The following VMP1 variants were observed in gnomAD, a reference collection of about 807,000 sequenced individuals.
The protein encoded by VMP1 is vacuole membrane protein 1.
A neutral mutation model predicts 56.0 loss-of-function variants in VMP1; 11 were observed. The ratio of observed to expected loss-of-function variants is 0.20; its 90% confidence interval spans 0.12 to 0.32. VMP1 has a LOEUF of 0.32. Ranked by LOEUF, VMP1 falls within the 10% of genes least tolerant of loss-of-function variation. VMP1 has a pLI of 1.00. For missense variants in VMP1, 296 were observed against 490.3 expected (o/e 0.60, Z 3.74); for synonymous variants, 149 against 165.0 (o/e 0.90, Z 0.74).
chr17:59,756,488 A>G (rs1329923926), intron 5 of VMP1, among the ~76,000 whole-genome samples: 1 of 152,222 alleles, frequency 6.6e-6, no homozygotes, highest in Non-Finnish European at 1.5e-5. Context: ...AGACAAAACT[A>G]ATTGGAAATT....
chr17:59,836,719 G>GTT lies in VMP1; in HGVS notation c.975-1563_975-1562dup, dbSNP rs5821283. Among the ~76,000 whole-genome samples, 310 of 138,638 alleles carry GTT rather than the reference G, an allele frequency of 2.2e-3. 1 individual carries two copies. Among genetic ancestry groups the GTT allele is most frequent in the South Asian group, 4.0e-3 (18 of 4,450 alleles). The allele number at this position is 138,638 out of a possible 152,430, so 91.0% of individuals were successfully genotyped here. ...TTTTAAGTTCCTTGTGGGCAGTTTGGTTTTTTTTTTTTTTGGCTTTTTTCC... is the reference window on the plus strand; with the variant it reads ...TTTTAAGTTCCTTGTGGGCAGTTTGGTTTTTTTTTTTTTTTTGGCTTTTTTCC... On this transcript the variant is annotated intron_variant, in intron 10 of 11. Transcript: ENST00000262291.
At chr17:59,782,066 G>A (rs917778187) in intron 7 of VMP1, among the ~76,000 whole-genome samples, 6 of 151,998 alleles carry the variant, frequency 3.9e-5, no homozygotes, top group South Asian at 2.1e-4. Context: ...ATGTCACCAC[G>A]CCCAGCTAAT....
In VMP1 at chr17:59,808,705, A is replaced by G; in HGVS notation, c.715-91A>G. ...ATTCATCTTATTAATCAGTGTCATC[A>G]GATTGGGAGATCTTTAATAAACTCT... On this transcript the variant is annotated intron_variant, in intron 7 of 11. Coordinates refer to ENST00000262291, the MANE Select transcript of VMP1 (RefSeq NM_030938.5). 3.0e-6 allele frequency: 3 copies of G among 992,030 alleles called. No individual in the cohort carries two copies. The South Asian group carries it at 4.6e-5, about 15-fold the overall frequency. 61.5% of individuals were successfully genotyped at this position (992,030 alleles called of 1,614,324 possible).
At chr17:59,710,874 T>C (rs1034790650) in intron 1 of VMP1, among the ~76,000 whole-genome samples, 19 of 152,208 alleles carry the variant, frequency 1.2e-4, no homozygotes, top group Non-Finnish European at 5.9e-5. Flanking sequence ...AGTTTGAGAC[T>C]AGCCTGTCTA....
At chr17:59,731,607 C>T in intron 2 of VMP1, 85 bp downstream of exon 2, 2 of 962,634 alleles carry the variant, frequency 2.1e-6, no homozygotes, top group Non-Finnish European at 1.4e-6. Context: ...TATATTACTT[C>T]TTTTATTTTT....
At chr17:59,805,877 G>A (rs906537760) in intron 7 of VMP1, among the ~76,000 whole-genome samples, 3 of 151,992 alleles carry the variant, frequency 2.0e-5, no homozygotes, top group Admixed American at 1.3e-4. Context: ...AATAAAATTT[G>A]TATGCTTTTT....
At position 59,762,768 on chromosome 17, in the gene VMP1, G is replaced by T. The variant is rs183221624; in HGVS notation, c.415-2203G>T. Among the ~76,000 whole-genome samples the T allele has an allele frequency of 4.8e-3, 736 of 152,154 alleles. 7 individuals are homozygous for T. The highest frequency in any genetic ancestry group is 0.017 in the African/African-American group (702 of 41,538). On this transcript the variant is annotated intron_variant, in intron 5 of 11. Coordinates refer to ENST00000262291, the MANE Select transcript of VMP1 (RefSeq NM_030938.5). ...TAGAAGAAAGAATTCTCAAATCAGAGACTTGAAAAAACATTCTCAAATCAG... is the reference window on the plus strand; with the variant it reads ...TAGAAGAAAGAATTCTCAAATCAGATACTTGAAAAAACATTCTCAAATCAG...
chr17:59,721,715 C>CAAACAAAACA (rs57750049), intron 1 of VMP1, among the ~76,000 whole-genome samples: 4,050 of 150,168 alleles, frequency 0.027, 131 homozygotes, highest in African/African-American at 0.075. Flanking sequence ...TCTGTCTCTA[C>CAAACAAAACA]AAACAAAACA....
chr17:59,721,715 CAAACAAAACA>C (rs57750049), intron 1 of VMP1, among the ~76,000 whole-genome samples: 1,913 of 150,196 alleles, frequency 0.013, 36 homozygotes, highest in Admixed American at 0.029. Context: ...TCTGTCTCTA[CAAACAAAACA>C]AAACAAAACA....
At chr17:59,817,282 CAAAAAAA>C (rs1209080230) in intron 9 of VMP1, among the ~76,000 whole-genome samples, 3 of 60,370 alleles carry the variant, frequency 5.0e-5, no homozygotes, top group Admixed American at 2.2e-4. Context: ...AACTCTGTCT[CAAAAAAA>C]AAAAAAAAAA....
At chr17:59,720,106 G>T (rs947574556) in intron 1 of VMP1, among the ~76,000 whole-genome samples, 1 of 152,164 alleles carries the variant, frequency 6.6e-6, no homozygotes. Flanking sequence ...TGAAGGTCAA[G>T]AATATGTGTT....
At chr17:59,746,689 G>A (rs768427735) in intron 5 of VMP1, among the ~76,000 whole-genome samples, 2 of 152,162 alleles carry the variant, frequency 1.3e-5, no homozygotes, top group Non-Finnish European at 2.9e-5. Flanking sequence ...CTAGCCCAGA[G>A]GGACAAGTTA....
At position 59,726,168 on chromosome 17, in the gene VMP1, A is replaced by G. The variant is rs368895349; in HGVS notation, c.-26-5253A>G. 1.1e-4 allele frequency among the ~76,000 whole-genome samples: 16 copies of G among 152,266 alleles called. No individual in the cohort carries two copies. The East Asian group carries it at 3.1e-3, about 29-fold the overall frequency. On this transcript the variant is annotated intron_variant, in intron 1 of 11. Coordinates refer to ENST00000262291, the MANE Select transcript of VMP1 (RefSeq NM_030938.5). ...TAAAATATCTTAAATATCCTTAAAT[A>G]TCTTATTTGTAAATATTTATCATAT... is the stretch of plus-strand genomic sequence containing the variant.
intron 10 of VMP1, among the ~76,000 whole-genome samples, chr17:59,837,476 G>A (rs764077240): frequency 7.9e-5 from 12 of 152,172 alleles, no homozygotes; most frequent in Non-Finnish European, 1.2e-4. Context: ...TTGCCAAACC[G>A]GTTTAACAGC....
intron 5 of VMP1, 55 bp from the exon 6 acceptor site, chr17:59,764,915 TG>T: frequency 7.8e-7 from 1 of 1,281,116 alleles, no homozygotes; most frequent in Non-Finnish European, 1.0e-6. Flanking sequence ...TAAAATAATG[TG>T]TATTGATAAT....
At chr17:59,762,005 A>C (rs2036071891) in intron 5 of VMP1, among the ~76,000 whole-genome samples, 1 of 152,192 alleles carries the variant, frequency 6.6e-6, no homozygotes, top group African/African-American at 2.4e-5. Flanking sequence ...GTGTCTACAG[A>C]CAAGAAGCCA....
intron 5 of VMP1, among the ~76,000 whole-genome samples, chr17:59,741,788 C>CT (rs2035235761): frequency 6.6e-6 from 1 of 152,160 alleles, no homozygotes; most frequent in Non-Finnish European, 1.5e-5. Flanking sequence ...AGCAAAAACT[C>CT]TGAATACAAC....
At chr17:59,811,912 T>TCATTTGG in intron 9 of VMP1, 126 bp downstream of exon 9, 1 of 659,758 alleles carries the variant, frequency 1.5e-6, no homozygotes, top group South Asian at 1.9e-5. Flanking sequence ...CTTACTTAGG[T>TCATTTGG]AATACCACAT....
At chr17:59,832,461 C>T (rs141334612) in intron 10 of VMP1, among the ~76,000 whole-genome samples, 1 of 152,170 alleles carries the variant, frequency 6.6e-6, no homozygotes, top group East Asian at 1.9e-4. Context: ...CAAGTACCTA[C>T]TTACATAGCT....
Sources: allele counts gnomAD v4.1 joint callset (sites outside exome capture counted in the v4.1 genomes callset), GRCh38; gene constraint gnomAD v4.1.1; transcripts MANE v1.5; gene names NCBI Gene and HGNC (gene_info 2026-07-23, HGNC 2026-07-21).